Variants in POLDIP3 observed in about 807,000 individuals in gnomAD.
The protein encoded by POLDIP3 is polymerase delta-interacting protein 3.
A neutral mutation model predicts 45.1 loss-of-function variants in POLDIP3; 14 were observed. The ratio of observed to expected loss-of-function variants is 0.31; its 90% CI spans 0.20 to 0.49. POLDIP3 has a LOEUF of 0.49. Among genes scored for constraint, POLDIP3 ranks in the 20% least tolerant of loss-of-function variants. POLDIP3 has a pLI of 0.99. For synonymous variants in POLDIP3, 223 were observed against 205.2 expected (o/e 1.09, Z -0.74); for missense variants, 511 against 538.8 (o/e 0.95, Z 0.51).
chr22:42,609,870 GAC>G (rs3046396), intron 1 of POLDIP3, among the ~76,000 whole-genome samples: 4 of 152,176 alleles, frequency 2.6e-5, no homozygotes, highest in Non-Finnish European at 5.9e-5. Flanking sequence ...AGAAAAACAA[GAC>G]ACTAAAATAC....
chr22:42,602,641 G>C, intron 2 of POLDIP3, 129 bp downstream of exon 2: 1 of 1,076,592 alleles, frequency 9.3e-7, no homozygotes, highest in South Asian at 1.6e-5. Context: ...GCCTCTGTAA[G>C]GAGCAAAGTC....
At chr22:42,609,207 C>A (rs1246061658) in intron 1 of POLDIP3, among the ~76,000 whole-genome samples, 3 of 152,252 alleles carry the variant, frequency 2.0e-5, no homozygotes, top group Non-Finnish European at 2.9e-5. Context: ...GCAGTGACTA[C>A]TGACGTTCCC....
rs1925276806 is a variant in POLDIP3, at chr22:42,585,899, G to A, written c.1158C>T (p.Ser386=). 1 of 1,613,352 alleles carries A rather than the reference G, an allele frequency of 6.2e-7. No homozygotes were observed. Among genetic ancestry groups the A allele is most frequent in the African/African-American group, 1.3e-5 (1 of 74,900 alleles). ...ELPRRVNSAS[S]SNPPAEVDPD... is the part of the protein sequence containing the mutation. Reference sequence around the variant, plus strand: ...GGTCCACTTCGGCAGGGGGGTTGGAGGAGGAGGCAGAGTTCACCCTGCGAG... The same window carrying A: ...GGTCCACTTCGGCAGGGGGGTTGGAAGAGGAGGCAGAGTTCACCCTGCGAG... Residue 386 remains serine, a synonymous_variant, in exon 9 of 9, where the codon TCC becomes TCT. Transcript: ENST00000252115.
In POLDIP3 at chr22:42,585,359, G is replaced by A. The variant is rs1034403392; in HGVS notation, c.*432C>T. On this transcript the variant is annotated 3_prime_UTR_variant, in exon 9 of 9. Coordinates refer to ENST00000252115, the MANE Select transcript of POLDIP3 (RefSeq NM_032311.5). ...ACCAGGGCTCTCCATCCCCTCCATT[G>A]TTTGAAAAGCTTAATACACACAAAG... is the stretch of plus-strand genomic sequence containing the variant. 1 of 436,908 alleles carries A rather than the reference G, an allele frequency of 2.3e-6. No individual in the cohort carries two copies. The highest frequency in any genetic ancestry group is 4.6e-6 in the Non-Finnish European group (1 of 219,034). 27.1% of individuals were successfully genotyped at this position (436,908 alleles called of 1,614,324 possible). A position where few individuals can be genotyped will look rare whatever the true frequency, so the allele number is the denominator to read the frequency against.
At position 42,583,778 on chromosome 22, in the gene POLDIP3, T is replaced by A; in HGVS notation, c.*2013A>T. ...AAGTAATACATAATCACCCTTCATCTCTTAATGCCCCTTCCTCTCCTTCTG... is the reference window on the plus strand; with the variant it reads ...AAGTAATACATAATCACCCTTCATCACTTAATGCCCCTTCCTCTCCTTCTG... On this transcript the variant is annotated 3_prime_UTR_variant, in exon 9 of 9. Transcript: ENST00000252115. The A allele has an allele frequency of 6.6e-6, 1 of 151,796 alleles. No homozygotes were observed. Among genetic ancestry groups the A allele is most frequent in the Admixed American group, 6.6e-5 (1 of 15,192 alleles). 9.4% of individuals were successfully genotyped at this position (151,796 alleles called of 1,614,324 possible).
Position 42,602,781 on chromosome 22 carries a change from T to G in POLDIP3, c.439A>C (p.Lys147Gln), listed in dbSNP as rs1202159903. The G allele has an allele frequency of 1.2e-6, 2 of 1,602,880 alleles. No individual in the cohort carries two copies. Among genetic ancestry groups the G allele is most frequent in the African/African-American group, 2.7e-5 (2 of 74,708 alleles). Residue 147 changes from lysine (K) to glutamine (Q), a missense_variant, in exon 2 of 9, where the codon AAA becomes CAA. This residue lies in a region of POLDIP3 where 378 missense variants were observed against 352.3 expected (regional missense o/e 1.07). Coordinates refer to ENST00000252115, the MANE Select transcript of POLDIP3 (RefSeq NM_032311.5). ...GTVTPALKLTKTIQVPQQKAM... is the reference protein window; with the variant it reads ...GTVTPALKLTQTIQVPQQKAM... ...AAGCCACAACTCACCTGGATGGTTT[T>G]GGTGAGCTTCAGAGCAGGGGTCACT... is the stretch of plus-strand genomic sequence containing the variant.
chr22:42,614,444 C>G (rs1181823008), intron 1 of POLDIP3, among the ~76,000 whole-genome samples: 1 of 152,222 alleles, frequency 6.6e-6, no homozygotes, highest in African/African-American at 2.4e-5. Flanking sequence ...GCGCCGAGAT[C>G]ACGGAGCGGG....
chr22:42,588,671 C>T (rs1925475386), intron 7 of POLDIP3, among the ~76,000 whole-genome samples: 1 of 149,930 alleles, frequency 6.7e-6, no homozygotes, highest in African/African-American at 2.5e-5. Flanking sequence ...TCTTATTGCC[C>T]AGGCTGGAGG....
intron 1 of POLDIP3, among the ~76,000 whole-genome samples, chr22:42,605,674 A>G (rs1926678905): frequency 1.3e-5 from 2 of 151,956 alleles, no homozygotes; most frequent in Non-Finnish European, 2.9e-5. Flanking sequence ...GCACTAGAGA[A>G]AGCAGGGCCA....
intron 1 of POLDIP3, among the ~76,000 whole-genome samples, chr22:42,611,810 GA>G (rs140223783): frequency 0.017 from 2,603 of 152,308 alleles, 67 homozygotes; most frequent in African/African-American, 0.059. Flanking sequence ...CTGGAAGCCA[GA>G]GGTTGCACTG....
intron 1 of POLDIP3, among the ~76,000 whole-genome samples, chr22:42,613,842 G>A (rs1927282544): frequency 6.6e-6 from 1 of 152,142 alleles, no homozygotes; most frequent in Non-Finnish European, 1.5e-5. Flanking sequence ...TTTACATCCT[G>A]GCTATTTACA....
intron 6 of POLDIP3, 52 bp from the exon 7 acceptor site, chr22:42,592,136 C>G: frequency 6.2e-7 from 1 of 1,609,560 alleles, no homozygotes; most frequent in Non-Finnish European, 8.5e-7. Context: ...CAGCACCTGC[C>G]GCTCACACAC....
intron 1 of POLDIP3, among the ~76,000 whole-genome samples, chr22:42,613,544 G>A (rs1434634213): frequency 1.3e-5 from 2 of 152,182 alleles, no homozygotes; most frequent in African/African-American, 2.4e-5. Context: ...AGGATCACCT[G>A]AGGTCAGGAG....
At chr22:42,609,318 C>G (rs998871507) in intron 1 of POLDIP3, among the ~76,000 whole-genome samples, 6 of 152,220 alleles carry the variant, frequency 3.9e-5, no homozygotes, top group African/African-American at 1.4e-4. Context: ...CGCACCGAAA[C>G]TACAGCTCTG....
chr22:42,589,382 G>A lies in POLDIP3; in HGVS notation c.1022-1810C>T, dbSNP rs529587067. Among the ~76,000 whole-genome samples the A allele has an allele frequency of 5.3e-5, 8 of 152,116 alleles. No homozygotes were observed. In the Middle Eastern group the frequency reaches 0.01, roughly 194 times the overall value. On this transcript the variant is annotated intron_variant, in intron 7 of 8. Coordinates refer to ENST00000252115, the MANE Select transcript of POLDIP3 (RefSeq NM_032311.5). ...TAAAACAACAAAAAAAGTGACTAGA[G>A]GTAAAGAGAGATTTAAATTTGACTG... is the stretch of plus-strand genomic sequence containing the variant.
rs907222863 is a variant in POLDIP3 at position 42,596,406 on chromosome 22, G to A, written c.634-41C>T. ...GAAAAGAATCTGAGAAGCCAGACCT[G>A]CAATGTTCTGAAGAAGCCCCAAGAG... On this transcript the variant is annotated intron_variant, in intron 4 of 8. Coordinates refer to ENST00000252115, the MANE Select transcript of POLDIP3 (RefSeq NM_032311.5). The A allele has an allele frequency of 2.5e-6, 4 of 1,582,972 alleles. No homozygotes were observed. In the South Asian group the frequency reaches 3.4e-5, roughly 13 times the overall value.
intron 1 of POLDIP3, among the ~76,000 whole-genome samples, chr22:42,606,564 C>T (rs539423218): frequency 9.9e-5 from 15 of 152,230 alleles, no homozygotes; most frequent in African/African-American, 3.6e-4. Flanking sequence ...GCAATGTTGC[C>T]GTGAGCCAGG....
chr22:42,588,384 G>T lies in POLDIP3; in HGVS notation c.1022-812C>A, dbSNP rs192585363. ...GCAGGAGAATGGCGTGAACCTGGGA[G>T]GTAGAGCTTGCAGTGAGCAGAGACC... On this transcript the variant is annotated intron_variant, in intron 7 of 8. Transcript: ENST00000252115. Among the ~76,000 whole-genome samples the T allele has an allele frequency of 2.5e-3, 372 of 151,288 alleles. 3 individuals are homozygous for T. Among genetic ancestry groups the T allele is most frequent in the African/African-American group, 8.5e-3 (351 of 41,218 alleles).
chr22:42,592,913 G>A (rs1161641316), intron 6 of POLDIP3, among the ~76,000 whole-genome samples: 1 of 152,134 alleles, frequency 6.6e-6, no homozygotes, highest in Non-Finnish European at 1.5e-5. Context: ...TTGCTGTGAG[G>A]GCCAAAAGAA....
Sources: allele counts gnomAD v4.1 joint callset (sites outside exome capture counted in the v4.1 genomes callset), GRCh38; gene constraint gnomAD v4.1.1; regional missense constraint gnomAD v4.1.1; transcripts MANE v1.5; gene names NCBI Gene and HGNC (gene_info 2026-07-23, HGNC 2026-07-21).